The following SUMF1 variants were observed in gnomAD, a reference collection of about 807,000 sequenced individuals.
The protein encoded by SUMF1 is formylglycine-generating enzyme.
SUMF1 carries 48 observed loss-of-function variants against 47.6 expected under a neutral mutation model. The ratio of observed to expected loss-of-function variants is 1.01; its 90% CI spans 0.80 to 1.28. SUMF1 has a LOEUF of 1.28. Among genes scored for constraint, SUMF1 ranks in the 50% most tolerant of loss-of-function variants. The pLI, the probability that SUMF1 is intolerant of heterozygous loss-of-function variation, is 0.00. For missense variants in SUMF1, 571 were observed against 485.4 expected (o/e 1.18, Z -1.66); for synonymous variants, 230 against 192.1 (o/e 1.20, Z -1.63).
chr3:4,418,265 ACC>A, intron 4 of SUMF1, 133 bp from the exon 5 acceptor site: 1 of 1,334,028 alleles, frequency 7.5e-7, no homozygotes, highest in South Asian at 1.3e-5. Context: ...CTTAAGTCAA[ACC>A]CCAGCCATGC....
chr3:4,285,976 A>T (rs1697625143), intron 8 of SUMF1, among the ~76,000 whole-genome samples: 1 of 152,166 alleles, frequency 6.6e-6, no homozygotes, highest in Admixed American at 6.5e-5. Flanking sequence ...CCACCAAGCA[A>T]GAAATTAGAA....
At chr3:4,307,847 A>G (rs1285063739) in intron 8 of SUMF1, among the ~76,000 whole-genome samples, 1 of 152,098 alleles carries the variant, frequency 6.6e-6, no homozygotes, top group Non-Finnish European at 1.5e-5. Context: ...GACCACCCTT[A>G]ACAAAGGGCA....
At chr3:4,115,182 G>A (rs1210638499) in intron 8 of SUMF1, among the ~76,000 whole-genome samples, 1 of 152,024 alleles carries the variant, frequency 6.6e-6, no homozygotes, top group Non-Finnish European at 1.5e-5. Flanking sequence ...ACTCTGGCAG[G>A]CCATCAACAG....
chr3:4,217,365 G>A (rs1255627886), intron 8 of SUMF1, among the ~76,000 whole-genome samples: 1 of 148,876 alleles, frequency 6.7e-6, no homozygotes, highest in Non-Finnish European at 1.5e-5. Context: ...GGCCTGTCAG[G>A]GGGTGAGGGG....
At chr3:4,399,982 G>A (rs1701157960) in intron 7 of SUMF1, among the ~76,000 whole-genome samples, 1 of 152,090 alleles carries the variant, frequency 6.6e-6, no homozygotes, top group Non-Finnish European at 1.5e-5. Flanking sequence ...TACGTGATCC[G>A]CCCACTTCAC....
chr3:4,131,057 TGA>T (rs1053518868), intron 8 of SUMF1, among the ~76,000 whole-genome samples: 5 of 152,138 alleles, frequency 3.3e-5, no homozygotes, highest in Admixed American at 2.0e-4. Context: ...ACTCTCCTTT[TGA>T]GAGACAGCTC....
At chr3:4,371,366 G>A (rs1018522720) in intron 8 of SUMF1, among the ~76,000 whole-genome samples, 1 of 152,144 alleles carries the variant, frequency 6.6e-6, no homozygotes. Context: ...CCTGGACTTG[G>A]GAACAATCCA....
At chr3:4,167,870 C>T (rs1694744964) in intron 8 of SUMF1, among the ~76,000 whole-genome samples, 1 of 152,204 alleles carries the variant, frequency 6.6e-6, no homozygotes, top group Admixed American at 6.5e-5. Context: ...CTCTTTGTCA[C>T]TTGCTAACTA....
intron 8 of SUMF1, among the ~76,000 whole-genome samples, chr3:4,251,905 A>T (rs1696810613): frequency 6.6e-6 from 1 of 152,202 alleles, no homozygotes; most frequent in Non-Finnish European, 1.5e-5. Flanking sequence ...ATTTTTAGAG[A>T]TAATGCTATT....
intron 8 of SUMF1, among the ~76,000 whole-genome samples, chr3:4,199,644 G>A (rs776860606): frequency 1.3e-5 from 2 of 152,084 alleles, no homozygotes; most frequent in Non-Finnish European, 2.9e-5. Flanking sequence ...ATAGCATTCT[G>A]TCTTTCTTAT....
Position 4,249,852 on chromosome 3 carries a change from G to A in SUMF1, c.1014+126478C>T, listed in dbSNP as rs560638145. The stretch of plus-strand genomic sequence containing the variant: ...AAACTTCTCCGAGGAAATTAAAAGT[G>A]CTCCTCCAGTCAACACACAAATGAT... On this transcript the variant is annotated intron_variant and NMD_transcript_variant, in intron 8 of 12. Coordinates refer to the SUMF1 transcript ENST00000448413. Among the ~76,000 whole-genome samples, 28 of 152,238 alleles carry A rather than the reference G, an allele frequency of 1.8e-4. No homozygotes were observed. In the South Asian group the frequency reaches 5.6e-3, roughly 30 times the overall value.
intron 8 of SUMF1, among the ~76,000 whole-genome samples, chr3:4,324,451 G>A (rs73809512): frequency 0.011 from 1,706 of 152,222 alleles, 37 homozygotes; most frequent in African/African-American, 0.039. Flanking sequence ...AGAGGATTTC[G>A]TGAACTTGAA....
rs1697557449 is a variant in SUMF1 at position 4,282,889 on chromosome 3, T to A, written c.1014+93441A>T. 2.6e-5 allele frequency among the ~76,000 whole-genome samples: 4 copies of A among 152,116 alleles called. No homozygotes were observed. The South Asian group carries it at 8.3e-4, about 32-fold the overall frequency. ...ATTGACTACTCTGCTCAGTGAAAAA[T>A]TATTTTTTTATTGGAAATGGCTGTC... is the stretch of plus-strand genomic sequence containing the variant. On this transcript the variant is annotated intron_variant and NMD_transcript_variant, in intron 8 of 12. Coordinates refer to the SUMF1 transcript ENST00000448413.
At chr3:4,423,671 T>C (rs1216346766) in intron 3 of SUMF1, among the ~76,000 whole-genome samples, 3 of 152,358 alleles carry the variant, frequency 2.0e-5, no homozygotes, top group East Asian at 1.9e-4. Context: ...ATATAGTTTA[T>C]ATATTTATCC....
intron 7 of SUMF1, among the ~76,000 whole-genome samples, chr3:4,407,347 C>A (rs1003098417): frequency 6.6e-6 from 1 of 152,194 alleles, no homozygotes; most frequent in Admixed American, 6.5e-5. Flanking sequence ...TCTGAAGAAG[C>A]TTTAAAATTA....
chr3:4,155,397 C>T (rs1005984577), intron 8 of SUMF1, among the ~76,000 whole-genome samples: 13 of 151,676 alleles, frequency 8.6e-5, no homozygotes, highest in South Asian at 6.2e-4. Context: ...GAAAATGCTA[C>T]GTACTTGCTT....
intron 9 of SUMF1, among the ~76,000 whole-genome samples, chr3:4,038,692 C>G (rs1023537860): frequency 6.6e-6 from 1 of 152,080 alleles, no homozygotes; most frequent in Non-Finnish European, 1.5e-5. Flanking sequence ...GTGTAGCCCT[C>G]AGGCTCTTTG....
At chr3:4,165,865 C>T (rs1370547358) in intron 8 of SUMF1, among the ~76,000 whole-genome samples, 773 of 49,878 alleles carry the variant, frequency 0.015, 19 homozygotes, top group African/African-American at 0.048. Flanking sequence ...GTTTGTTTCC[C>T]CCCCCCCCCC....
chr3:4,381,687 G>A (rs910446026), intron 7 of SUMF1, among the ~76,000 whole-genome samples: 1 of 152,178 alleles, frequency 6.6e-6, no homozygotes, highest in Non-Finnish European at 1.5e-5. Context: ...AGAGTTATGA[G>A]TGAATGTTCT....
Sources: allele counts gnomAD v4.1 joint callset (sites outside exome capture counted in the v4.1 genomes callset), GRCh38; gene constraint gnomAD v4.1.1; transcripts MANE v1.5; gene names NCBI Gene and HGNC (gene_info 2026-07-23, HGNC 2026-07-21).